The following CHLSN variants were observed in gnomAD, a reference collection of about 807,000 sequenced individuals.
The protein encoded by CHLSN is cholesin.
chr7:990,916 G>C, the CHLSN span, among the ~76,000 whole-genome samples: 1 of 152,104 alleles, frequency 6.6e-6, no homozygotes, highest in African/African-American at 2.4e-5. Context: ...CCCAGCTGTT[G>C]TCAGGGCTCC....
the CHLSN span, chr7:987,456 G>C: frequency 1.4e-5 from 22 of 1,575,568 alleles, no homozygotes; most frequent in Non-Finnish European, 1.8e-5. Flanking sequence ...AGGTGCAGCG[G>C]TTCATCACGC....
chr7:1,018,397 C>T, the CHLSN span, among the ~76,000 whole-genome samples: 8 of 152,212 alleles, frequency 5.3e-5, no homozygotes, highest in South Asian at 2.1e-4. Flanking sequence ...CGCCTGGCTC[C>T]GGCCATCAGC....
At chr7:1,008,706 A>C in the CHLSN span, among the ~76,000 whole-genome samples, 1 of 152,180 alleles carries the variant, frequency 6.6e-6, no homozygotes, top group Non-Finnish European at 1.5e-5. Context: ...CTGTAGGTGG[A>C]GGACCGTCCT....
chr7:987,036 G>T, the CHLSN span: 1 of 1,426,186 alleles, frequency 7.0e-7, no homozygotes. Context: ...GGAGCCCAGG[G>T]CTGGGCTGGG....
chr7:1,016,727 A>G, the CHLSN span, among the ~76,000 whole-genome samples: 184 of 118,228 alleles, frequency 1.6e-3, 9 homozygotes, highest in African/African-American at 7.1e-3. Context: ...AGCAGCACAC[A>G]GCAGCACACG....
chr7:1,135,548 C>A, the CHLSN span, among the ~76,000 whole-genome samples: 1 of 150,304 alleles, frequency 6.7e-6, no homozygotes, highest in Non-Finnish European at 1.5e-5. Flanking sequence ...GGGGAGATCA[C>A]TTGAGGTCAG....
At chr7:999,103 A>G in the CHLSN span, among the ~76,000 whole-genome samples, 1 of 152,232 alleles carries the variant, frequency 6.6e-6, no homozygotes, top group Non-Finnish European at 1.5e-5. Context: ...GTGTATACAC[A>G]CATATAAATG....
the CHLSN span, among the ~76,000 whole-genome samples, chr7:1,071,689 G>A: frequency 1.3e-5 from 2 of 152,162 alleles, no homozygotes; most frequent in African/African-American, 2.4e-5. Context: ...GGGCACCGTC[G>A]CCACAGGACG....
chr7:1,035,929 G>C, the CHLSN span, among the ~76,000 whole-genome samples: 1 of 152,050 alleles, frequency 6.6e-6, no homozygotes, highest in East Asian at 1.9e-4. Flanking sequence ...AGTCCATCCA[G>C]ACAGCACAAG....
chr7:1,028,213 C>A, the CHLSN span: 4 of 1,044,214 alleles, frequency 3.8e-6, no homozygotes, highest in African/African-American at 1.7e-5. Context: ...CCCCTCCCAT[C>A]CCCTCCCTGC....
chr7:1,061,443 C>T, the CHLSN span, among the ~76,000 whole-genome samples: 17,609 of 152,110 alleles, frequency 0.12, 1,247 homozygotes, highest in Middle Eastern at 0.26. Flanking sequence ...CCCAGGTTCC[C>T]GCCAGCCTCT....
chr7:1,051,232 G>T, the CHLSN span, among the ~76,000 whole-genome samples: 2 of 152,228 alleles, frequency 1.3e-5, no homozygotes, highest in East Asian at 1.9e-4. Context: ...TGAACACTGT[G>T]TCCCAACCCC....
the CHLSN span, among the ~76,000 whole-genome samples, chr7:994,095 G>T: frequency 6.6e-6 from 1 of 152,158 alleles, no homozygotes; most frequent in African/African-American, 2.4e-5. Flanking sequence ...CACCCCCACA[G>T]GCAATGTGAT....
chr7:1,101,156 G>A, the CHLSN span, among the ~76,000 whole-genome samples: 1 of 152,380 alleles, frequency 6.6e-6, no homozygotes, highest in Non-Finnish European at 1.5e-5. Context: ...CGCAGACTCT[G>A]CTCTCGCACA....
chr7:1,000,065 A>AG, the CHLSN span, among the ~76,000 whole-genome samples: 1 of 152,162 alleles, frequency 6.6e-6, no homozygotes, highest in African/African-American at 2.4e-5. Context: ...GGCCTCCCTA[A>AG]GGTTACCCCG....
At chr7:1,092,253 G>T in the CHLSN span, 3 of 1,612,318 alleles carry the variant, frequency 1.9e-6, no homozygotes, top group Non-Finnish European at 2.5e-6. Flanking sequence ...ACCACGCCCG[G>T]CTGAGCTGTG....
At chr7:1,060,931 C>G in the CHLSN span, among the ~76,000 whole-genome samples, 6 of 152,256 alleles carry the variant, frequency 3.9e-5, no homozygotes, top group East Asian at 1.2e-3. Context: ...CGCCGTCAGC[C>G]CAACCCTCCT....
the CHLSN span, among the ~76,000 whole-genome samples, chr7:1,099,729 G>A: frequency 6.6e-6 from 1 of 152,218 alleles, no homozygotes; most frequent in Non-Finnish European, 1.5e-5. Flanking sequence ...AGGCTGCCTG[G>A]GCGTTGCCGT....
At chr7:1,009,831 C>T in the CHLSN span, 126 of 903,270 alleles carry the variant, frequency 1.4e-4, no homozygotes, top group African/African-American at 2.0e-3. Context: ...GGCATGAACG[C>T]TCATACCTCA....
Sources: allele counts gnomAD v4.1 joint callset (sites outside exome capture counted in the v4.1 genomes callset), GRCh38; gene constraint gnomAD v4.1.1; transcripts MANE v1.5; gene names NCBI Gene and HGNC (gene_info 2026-07-23, HGNC 2026-07-21).